Variants in PTPRD observed in about 807,000 individuals in gnomAD.
The protein encoded by PTPRD is receptor-type tyrosine-protein phosphatase delta.
A neutral mutation model predicts 214.5 loss-of-function variants in PTPRD; 34 were observed. The observed-to-expected ratio is 0.16, with a 90% CI of 0.12 to 0.21. The LOEUF (loss-of-function observed/expected upper bound fraction) is 0.21. Among genes scored for constraint, PTPRD ranks in the 10% least tolerant of loss-of-function variants. The probability of loss-of-function intolerance (pLI) is 1.00; values close to 1 mark genes in which losing one functional copy is unlikely to be tolerated. For missense variants in PTPRD, 2,545 were observed against 2,398.7 expected (o/e 1.06, Z -1.27); for synonymous variants, 1,128 against 845.7 (o/e 1.33, Z -5.79).
chr9:8,774,424 G>C (rs1157220247), intron 11 of PTPRD, among the ~76,000 whole-genome samples: 1 of 150,760 alleles, frequency 6.6e-6, no homozygotes, highest in Non-Finnish European at 1.5e-5. Context: ...AGATGAAGAT[G>C]AAGAAAAAAC....
intron 3 of PTPRD, among the ~76,000 whole-genome samples, chr9:10,106,607 T>C (rs1295505731): frequency 6.6e-6 from 1 of 151,872 alleles, no homozygotes; most frequent in Admixed American, 6.6e-5. Context: ...TTAAAAGGCA[T>C]TGGGTTATGA....
chr9:9,852,119 G>A (rs1288507871), intron 5 of PTPRD, among the ~76,000 whole-genome samples: 3 of 151,362 alleles, frequency 2.0e-5, no homozygotes, highest in African/African-American at 4.9e-5. Flanking sequence ...AAATGTTCTC[G>A]GAAAGAGATA....
chr9:8,399,286 C>T lies in PTPRD; in HGVS notation c.4210+5251G>A, dbSNP rs376995573. Among the ~76,000 whole-genome samples the T allele has an allele frequency of 2.5e-3, 380 of 152,192 alleles. 2 individuals are homozygous for T. Among genetic ancestry groups the T allele is most frequent in the South Asian group, 0.013 (62 of 4,814 alleles). ...GAAAGACTCTAAGTCATAGGTTCTT[C>T]CTAAACTGGAGAATGGGCTTGCAAA... On this transcript the variant is annotated intron_variant, in intron 36 of 45. Coordinates refer to ENST00000381196, the MANE Select transcript of PTPRD (RefSeq NM_002839.4).
intron 3 of PTPRD, among the ~76,000 whole-genome samples, chr9:10,306,916 G>C (rs1424408110): frequency 6.6e-6 from 1 of 152,070 alleles, no homozygotes; most frequent in Non-Finnish European, 1.5e-5. Flanking sequence ...CCCTACGGTA[G>C]AAACACAAGC....
At chr9:10,209,346 C>G (rs1051767852) in intron 3 of PTPRD, among the ~76,000 whole-genome samples, 1 of 152,134 alleles carries the variant, frequency 6.6e-6, no homozygotes, top group African/African-American at 2.4e-5. Flanking sequence ...TAAATGGCTT[C>G]TTATAAGACA....
intron 12 of PTPRD, among the ~76,000 whole-genome samples, chr9:8,639,914 T>G (rs2096535926): frequency 6.6e-6 from 1 of 152,192 alleles, no homozygotes; most frequent in Non-Finnish European, 1.5e-5. Context: ...ATCTTTATTT[T>G]CTGGTCAGGC....
intron 9 of PTPRD, among the ~76,000 whole-genome samples, chr9:9,300,109 T>G (rs893554127): frequency 6.6e-6 from 1 of 151,024 alleles, no homozygotes; most frequent in Admixed American, 6.6e-5. Context: ...ACATGTTTGG[T>G]CTCTTGCCTT....
chr9:8,821,206 T>C (rs1049186177), intron 11 of PTPRD, among the ~76,000 whole-genome samples: 7 of 152,130 alleles, frequency 4.6e-5, no homozygotes, highest in Non-Finnish European at 1.0e-4. Context: ...ATAAGAAAAT[T>C]CTTAGATGAT....
chr9:9,460,931 G>A (rs1046667167), intron 8 of PTPRD, among the ~76,000 whole-genome samples: 13 of 152,038 alleles, frequency 8.6e-5, no homozygotes, highest in South Asian at 8.3e-4. Flanking sequence ...CTAAGTGTCC[G>A]TCAGTGGTTG....
At chr9:8,401,124 G>T (rs913690857) in intron 36 of PTPRD, among the ~76,000 whole-genome samples, 4 of 151,640 alleles carry the variant, frequency 2.6e-5, no homozygotes, top group Non-Finnish European at 5.9e-5. Flanking sequence ...CAATATCCAA[G>T]TATTAGCTTC....
At chr9:9,637,449 A>T (rs1046809461) in intron 7 of PTPRD, among the ~76,000 whole-genome samples, 1 of 152,246 alleles carries the variant, frequency 6.6e-6, no homozygotes, top group Non-Finnish European at 1.5e-5. Context: ...AGAAGGAAGG[A>T]GTAATGGGTC....
intron 3 of PTPRD, among the ~76,000 whole-genome samples, chr9:10,315,907 T>G (rs2096409507): frequency 6.6e-6 from 1 of 151,918 alleles, no homozygotes; most frequent in Non-Finnish European, 1.5e-5. Context: ...AGTTTCATGC[T>G]GCATCAATTT....
intron 36 of PTPRD, among the ~76,000 whole-genome samples, chr9:8,396,119 C>G (rs776411310): frequency 6.7e-6 from 1 of 149,478 alleles, no homozygotes; most frequent in Non-Finnish European, 1.5e-5. Flanking sequence ...AGGAAACACT[C>G]AGATGCTCAG....
chr9:10,417,214 A>G (rs538414013), intron 2 of PTPRD, among the ~76,000 whole-genome samples: 159 of 152,080 alleles, frequency 1.0e-3, no homozygotes, highest in Non-Finnish European at 1.8e-3. Context: ...AACCTAGTCA[A>G]TCAAGTTCTA....
chr9:8,915,905 TG>T (rs2098782518), intron 11 of PTPRD, among the ~76,000 whole-genome samples: 1 of 152,194 alleles, frequency 6.6e-6, no homozygotes, highest in African/African-American at 2.4e-5. Flanking sequence ...GGGCATCCGG[TG>T]GCCCAGTTAA....
At chr9:9,758,928 C>G (rs972740834) in intron 6 of PTPRD, among the ~76,000 whole-genome samples, 1 of 151,986 alleles carries the variant, frequency 6.6e-6, no homozygotes, top group Non-Finnish European at 1.5e-5. Context: ...GACTGAAAAG[C>G]TATAGAATTG....
At chr9:10,056,048 C>T (rs2097638943) in intron 3 of PTPRD, among the ~76,000 whole-genome samples, 1 of 147,412 alleles carries the variant, frequency 6.8e-6, no homozygotes, top group Non-Finnish European at 1.5e-5. Context: ...AAGAGCCGGG[C>T]GCAGTGGCTC....
At chr9:9,398,794 AT>A (rs575053652) in intron 8 of PTPRD, among the ~76,000 whole-genome samples, 118 of 152,064 alleles carry the variant, frequency 7.8e-4, no homozygotes, top group Middle Eastern at 6.8e-3. Context: ...ACAGTGATAG[AT>A]TTGCTTTGGC....
At chr9:9,368,594 G>A (rs554740634) in intron 9 of PTPRD, among the ~76,000 whole-genome samples, 75 of 151,892 alleles carry the variant, frequency 4.9e-4, no homozygotes, top group African/African-American at 1.7e-3. Flanking sequence ...AAGTCCCAAA[G>A]ATTATTCTTA....
Sources: allele counts gnomAD v4.1 joint callset (sites outside exome capture counted in the v4.1 genomes callset), GRCh38; gene constraint gnomAD v4.1.1; transcripts MANE v1.5; gene names NCBI Gene and HGNC (gene_info 2026-07-23, HGNC 2026-07-21).